Variants in PTPN2 observed in about 807,000 individuals in gnomAD.
The protein encoded by PTPN2 is tyrosine-protein phosphatase non-receptor type 2.
A neutral mutation model predicts 57.3 loss-of-function variants in PTPN2; 19 were observed. The observed-to-expected ratio is 0.33, with a 90% confidence interval of 0.23 to 0.49. The LOEUF is 0.49. Among genes scored for constraint, PTPN2 ranks in the 20% least tolerant of loss-of-function variants. The probability of loss-of-function intolerance (pLI) is 0.99; values close to 1 mark genes in which losing one functional copy is unlikely to be tolerated. For missense variants in PTPN2, 358 were observed against 501.1 expected (o/e 0.71, Z 2.73); for synonymous variants, 153 against 164.9 (o/e 0.93, Z 0.55).
chr18:12,824,878 G>A (rs954120458), intron 5 of PTPN2, among the ~76,000 whole-genome samples: 7 of 152,096 alleles, frequency 4.6e-5, no homozygotes, highest in African/African-American at 1.7e-4. Context: ...TTGAGCTCAG[G>A]AGTTTGAGAC....
At chr18:12,814,125 G>T in intron 7 of PTPN2, 78 bp downstream of exon 7, 1 of 1,108,774 alleles carries the variant, frequency 9.0e-7, no homozygotes, top group Non-Finnish European at 1.3e-6. Context: ...CAAAGACAAG[G>T]GCTCAAGTGG....
At chr18:12,883,724 C>CGCCCCCACGGCTTTCCCAAGG (rs1351523424) in intron 1 of PTPN2, 62 of 204,650 alleles carry the variant, frequency 3.0e-4, no homozygotes, top group African/African-American at 1.4e-3. Context: ...CGCGCCCGAG[C>CGCCCCCACGGCTTTCCCAAGG]GCCCCCACGG....
chr18:12,859,116 TA>T, intron 2 of PTPN2, 47 bp downstream of exon 2: 1 of 1,515,346 alleles, frequency 6.6e-7, no homozygotes, highest in Non-Finnish European at 9.1e-7. Context: ...TCCTGCCTCC[TA>T]AAACAAACCA....
Position 12,884,038 on chromosome 18 carries a change from G to A in PTPN2, c.69+35C>T, listed in dbSNP as rs374266832. ...CAGGGCACGAGTCCGGGTCTCGGAG[G>A]AGGTCGGCGACTGCCGCGTGGGTCC... On this transcript the variant is annotated intron_variant, in intron 1 of 8. Coordinates refer to ENST00000309660, the MANE Select transcript of PTPN2 (RefSeq NM_002828.4). The A allele has an allele frequency of 4.6e-6, 7 of 1,537,584 alleles. No individual in the cohort carries two copies. The African/African-American group carries it at 6.9e-5, about 15-fold the overall frequency.
At chr18:12,820,074 A>G (rs1053154250) in intron 5 of PTPN2, among the ~76,000 whole-genome samples, 1 of 152,148 alleles carries the variant, frequency 6.6e-6, no homozygotes, top group African/African-American at 2.4e-5. Context: ...TTACCCCACA[A>G]TCTTGGGCAA....
At chr18:12,874,344 G>A (rs1157161887) in intron 1 of PTPN2, among the ~76,000 whole-genome samples, 1 of 138,644 alleles carries the variant, frequency 7.2e-6, no homozygotes, top group African/African-American at 2.7e-5. Flanking sequence ...CGTCTGGGAG[G>A]TGAGGGGCGC....
At position 12,794,056 on chromosome 18, in the gene PTPN2, T is replaced by C. The variant is rs1414159143; in HGVS notation, c.*222A>G. ...TTTACCAGTTTTTAACAAACATGAA[T>C]GTCTTTATTTTAGACAGCCATTTAC... On this transcript the variant is annotated 3_prime_UTR_variant, in exon 9 of 9. Transcript: ENST00000309660. 3.6e-6 allele frequency: 5 copies of C among 1,406,142 alleles called. No individual in the cohort carries two copies. Among genetic ancestry groups the C allele is most frequent in the East Asian group, 5.2e-5 (2 of 38,652 alleles). 87.1% of individuals were successfully genotyped at this position (1,406,142 alleles called of 1,614,324 possible).
At position 12,793,265 on chromosome 18, in the gene PTPN2, C is replaced by T; in HGVS notation, c.*1013G>A. 1 of 973,640 alleles carries T rather than the reference C, an allele frequency of 1.0e-6. No individual in the cohort carries two copies. The highest frequency in any genetic ancestry group is 1.2e-6 in the Non-Finnish European group (1 of 819,058). 60.3% of individuals were successfully genotyped at this position (973,640 alleles called of 1,614,324 possible). A position where few individuals can be genotyped will look rare whatever the true frequency, so the allele number is the denominator to read the frequency against. Reference sequence around the variant, plus strand: ...TGACAATGTAAGGTTTGCATATAATCATACTATTTATTGAAGTAGAAAGAA... The same window carrying T: ...TGACAATGTAAGGTTTGCATATAATTATACTATTTATTGAAGTAGAAAGAA... On this transcript the variant is annotated 3_prime_UTR_variant, in exon 9 of 9. Transcript: ENST00000309660.
chr18:12,854,656 C>T (rs1248263579), intron 2 of PTPN2, among the ~76,000 whole-genome samples: 1 of 152,070 alleles, frequency 6.6e-6, no homozygotes, highest in East Asian at 1.9e-4. Context: ...ACAGAAAAGT[C>T]CACGACTGCA....
downstream of PTPN2, chr18:12,787,886 G>A (rs548535451): frequency 1.9e-5 from 3 of 154,436 alleles, no homozygotes; most frequent in East Asian, 3.9e-4. Context: ...CGCAAGGGCC[G>A]GGTGGGTGTG....
At chr18:12,874,031 G>A (rs960187829) in intron 1 of PTPN2, among the ~76,000 whole-genome samples, 57 of 151,978 alleles carry the variant, frequency 3.8e-4, no homozygotes, top group African/African-American at 1.4e-3. Flanking sequence ...CGTCTGAGAA[G>A]TGAGGAGACC....
At chr18:12,800,229 T>A (rs1162224060) in intron 8 of PTPN2, among the ~76,000 whole-genome samples, 1 of 152,160 alleles carries the variant, frequency 6.6e-6, no homozygotes, top group Non-Finnish European at 1.5e-5. Context: ...TATGAGTGAT[T>A]TAACTCACTA....
At chr18:12,877,079 T>C (rs2044515498) in intron 1 of PTPN2, among the ~76,000 whole-genome samples, 1 of 152,218 alleles carries the variant, frequency 6.6e-6, no homozygotes, top group Non-Finnish European at 1.5e-5. Context: ...CAACACTGTA[T>C]TGGCCCAGTG....
intron 2 of PTPN2, among the ~76,000 whole-genome samples, chr18:12,842,029 C>T (rs1409893177): frequency 2.6e-5 from 4 of 152,060 alleles, no homozygotes; most frequent in Non-Finnish European, 5.9e-5. Flanking sequence ...GCCTCAGCCT[C>T]CTGAGTAGCT....
At chr18:12,839,263 A>G (rs1385761119) in intron 2 of PTPN2, among the ~76,000 whole-genome samples, 2 of 152,210 alleles carry the variant, frequency 1.3e-5, no homozygotes, top group East Asian at 3.9e-4. Context: ...GAGCATATAC[A>G]CAGGTTCCCT....
At chr18:12,860,411 G>C (rs1182798114) in intron 1 of PTPN2, among the ~76,000 whole-genome samples, 3 of 151,666 alleles carry the variant, frequency 2.0e-5, no homozygotes, top group Non-Finnish European at 2.9e-5. Flanking sequence ...AGCCTGGCCA[G>C]GATGGTGAAA....
chr18:12,860,380 C>T (rs573399191), intron 1 of PTPN2, among the ~76,000 whole-genome samples: 1 of 151,710 alleles, frequency 6.6e-6, no homozygotes, highest in Non-Finnish European at 1.5e-5. Context: ...GGGTGGATCA[C>T]GAGGTCAGGA....
intron 4 of PTPN2, 69 bp downstream of exon 4, chr18:12,830,874 A>G: frequency 8.1e-7 from 1 of 1,228,942 alleles, no homozygotes. Flanking sequence ...ATTGGCCCCA[A>G]AATGAAAATC....
intron 2 of PTPN2, among the ~76,000 whole-genome samples, chr18:12,851,485 C>CAAAAAAAA (rs1218202992): frequency 1.0e-4 from 1 of 9,892 alleles, no homozygotes; most frequent in Non-Finnish European, 2.8e-4. Context: ...GACTCCGTCT[C>CAAAAAAAA]AAAAAAAAAA....
Sources: allele counts gnomAD v4.1 joint callset (sites outside exome capture counted in the v4.1 genomes callset), GRCh38; gene constraint gnomAD v4.1.1; transcripts MANE v1.5; gene names NCBI Gene and HGNC (gene_info 2026-07-23, HGNC 2026-07-21).